PRKAG2: variants seen among roughly 807,000 people sequenced by gnomAD.
The protein encoded by PRKAG2 is protein kinase AMP-activated non-catalytic subunit gamma 2, also known as 5'-AMP-activated protein kinase subunit gamma-2.
Under a neutral mutation model 69.6 loss-of-function variants are expected in PRKAG2, and 26 were observed. That is an observed-to-expected ratio of 0.37 (90% CI 0.27 to 0.52). PRKAG2 has a LOEUF of 0.52. PRKAG2 is among the 20% of genes least tolerant of loss of function. The pLI is 0.90. For synonymous variants in PRKAG2, 293 were observed against 285.0 expected, an observed-to-expected ratio of 1.03 and a Z score of -0.28; for missense variants, 557 against 740.0, an observed-to-expected ratio of 0.75 and a Z score of 2.87.
intron 4 of PRKAG2, among the ~76,000 whole-genome samples, chr7:151,652,842 C>A (rs535889659): frequency 2.0e-5 from 3 of 152,154 alleles, no homozygotes; most frequent in African/African-American, 7.2e-5. Context: ...TGGGCTTGAA[C>A]TCCTGGGCTC....
chr7:151,795,730 G>A lies in PRKAG2; in HGVS notation c.115-9189C>T, dbSNP rs540742665. On this transcript the variant is annotated intron_variant, in intron 1 of 15. Transcript: ENST00000287878. The stretch of plus-strand genomic sequence containing the variant: ...GGGAAAACAGAGGGTTCTGGAAGGG[G>A]AAATTCTGCTTCATGATTGCAGCAT... Among the ~76,000 whole-genome samples the A allele has an allele frequency of 1.2e-4, 18 of 151,894 alleles. No homozygotes were observed. In the South Asian group the frequency reaches 3.3e-3, roughly 28 times the overall value.
intron 3 of PRKAG2, among the ~76,000 whole-genome samples, chr7:151,746,965 A>C (rs2074321651): frequency 2.0e-5 from 3 of 152,238 alleles, no homozygotes; most frequent in African/African-American, 7.2e-5. Context: ...TTTTCTCAGT[A>C]ACAATTTACT....
chr7:151,686,789 T>C (rs1264963074), intron 3 of PRKAG2, among the ~76,000 whole-genome samples: 1 of 152,236 alleles, frequency 6.6e-6, no homozygotes, highest in Non-Finnish European at 1.5e-5. Flanking sequence ...GGAGTAAGGT[T>C]TCAGGCTGCA....
chr7:151,677,962 A>T (rs1833220104), intron 3 of PRKAG2, among the ~76,000 whole-genome samples: 1 of 152,044 alleles, frequency 6.6e-6, no homozygotes, highest in African/African-American at 2.4e-5. Flanking sequence ...TTTTCCTTTT[A>T]TCAGGTCCTA....
intron 1 of PRKAG2, among the ~76,000 whole-genome samples, chr7:151,795,154 C>G (rs1256425526): frequency 6.6e-6 from 1 of 152,200 alleles, no homozygotes; most frequent in South Asian, 2.1e-4. Context: ...TCTGAGATCC[C>G]CCAGAAGGAG....
rs1181660707 is a variant in PRKAG2, at chr7:151,874,141, T to TATGTATATGTATATG, written c.114+2351_114+2365dup. Among the ~76,000 whole-genome samples the TATGTATATGTATATG allele has an allele frequency of 1.2e-4, 15 of 128,836 alleles. 1 individual carries two copies. The highest frequency in any genetic ancestry group is 2.3e-4 in the Admixed American group (3 of 13,116). 84.5% of individuals were successfully genotyped at this position (128,836 alleles called of 152,430 possible). ...TATATGTATATGATGTATATGTATA[T>TATGTATATGTATATG]ATGTATATGTATATGATGTATATGT... is the stretch of plus-strand genomic sequence containing the variant. On this transcript the variant is annotated intron_variant, in intron 1 of 15. Coordinates refer to ENST00000287878, the MANE Select transcript of PRKAG2 (RefSeq NM_016203.4).
intron 3 of PRKAG2, among the ~76,000 whole-genome samples, chr7:151,762,392 C>T (rs183454453): frequency 1.1e-3 from 175 of 152,244 alleles, no homozygotes; most frequent in Non-Finnish European, 2.1e-3. Flanking sequence ...CTTACATATA[C>T]GACGTATACG....
At chr7:151,579,867 A>G (rs1809923628) in intron 6 of PRKAG2, among the ~76,000 whole-genome samples, 1 of 152,222 alleles carries the variant, frequency 6.6e-6, no homozygotes, top group Non-Finnish European at 1.5e-5. Flanking sequence ...CTGACTTTCC[A>G]GCAGAAACTA....
chr7:151,647,013 C>T (rs1035844230), intron 4 of PRKAG2, among the ~76,000 whole-genome samples: 11 of 152,214 alleles, frequency 7.2e-5, no homozygotes, highest in Non-Finnish European at 1.2e-4. Context: ...CAAGCTCTCT[C>T]GAGCTACCCT....
chr7:151,680,807 C>G (rs1386027213), intron 3 of PRKAG2, among the ~76,000 whole-genome samples: 1 of 152,234 alleles, frequency 6.6e-6, no homozygotes, highest in Non-Finnish European at 1.5e-5. Flanking sequence ...GGACCAGGAC[C>G]TCTGTCCTGT....
chr7:151,792,386 C>T (rs2077305525), intron 1 of PRKAG2, among the ~76,000 whole-genome samples: 1 of 152,218 alleles, frequency 6.6e-6, no homozygotes, highest in South Asian at 2.1e-4. Flanking sequence ...ACATACAGCT[C>T]CTCCTGCCCC....
At chr7:151,612,264 C>T (rs1418370070) in intron 5 of PRKAG2, among the ~76,000 whole-genome samples, 7 of 152,242 alleles carry the variant, frequency 4.6e-5, no homozygotes, top group Non-Finnish European at 1.0e-4. Flanking sequence ...GCTGAGTGCA[C>T]TGCAGAGTGA....
intron 4 of PRKAG2, among the ~76,000 whole-genome samples, chr7:151,666,951 T>TAAA (rs1180375949): frequency 1.3e-5 from 2 of 152,272 alleles, no homozygotes; most frequent in African/African-American, 4.8e-5. Flanking sequence ...AAATGAAGGG[T>TAAA]ATTTTCCCAG....
intron 4 of PRKAG2, among the ~76,000 whole-genome samples, chr7:151,652,666 G>T (rs1828726108): frequency 6.6e-6 from 1 of 152,016 alleles, no homozygotes; most frequent in African/African-American, 2.4e-5. Flanking sequence ...TTCTTTTTGA[G>T]ATGGGGTCAC....
Position 151,780,515 on chromosome 7 carries a change from A to G in PRKAG2, c.466+637T>C, listed in dbSNP as rs2076610876. Among the ~76,000 whole-genome samples the G allele has an allele frequency of 6.6e-6, 1 of 152,238 alleles. No homozygotes were observed. The highest frequency in any genetic ancestry group is 2.4e-5 in the African/African-American group (1 of 41,468). ...AACTTTCTAGTTCGTGGTATATTTC[A>G]TATTATCATCGACGGCGCTCAAATG... On this transcript the variant is annotated intron_variant, in intron 3 of 15. Transcript: ENST00000287878. The surrounding 1 kb of genome is among the most constrained non-coding windows in gnomAD (Gnocchi z 4.2).
intron 15 of PRKAG2, chr7:151,558,034 A>G (rs1407928795): frequency 2.3e-5 from 23 of 985,254 alleles, no homozygotes; most frequent in Non-Finnish European, 2.7e-5. Flanking sequence ...ATTTTTCACC[A>G]GACGCTAGAC....
At chr7:151,840,206 G>A (rs1460312662) in intron 1 of PRKAG2, among the ~76,000 whole-genome samples, 4 of 152,186 alleles carry the variant, frequency 2.6e-5, no homozygotes, top group Non-Finnish European at 4.4e-5. Flanking sequence ...TGACAGTAGG[G>A]AGGCATTTGA....
chr7:151,736,390 T>G (rs1363952856), intron 3 of PRKAG2: 7 of 976,014 alleles, frequency 7.2e-6, no homozygotes, highest in Non-Finnish European at 8.6e-6. Context: ...GGGCTTTTTT[T>G]TTTTTTTTTT....
chr7:151,772,900 G>C (rs536737729), intron 3 of PRKAG2, among the ~76,000 whole-genome samples: 10 of 151,504 alleles, frequency 6.6e-5, no homozygotes, highest in Admixed American at 3.3e-4. Flanking sequence ...CAGGAGGATC[G>C]CTTGAGCCTG....
Sources: allele counts gnomAD v4.1 joint callset (sites outside exome capture counted in the v4.1 genomes callset), GRCh38; gene constraint gnomAD v4.1.1; non-coding constraint Gnocchi (gnomAD v3.1); transcripts MANE v1.5; gene names NCBI Gene and HGNC (gene_info 2026-07-23, HGNC 2026-07-21).